PIP4K2A: variants seen among roughly 807,000 people sequenced by gnomAD.
PIP4K2A encodes the protein phosphatidylinositol-5-phosphate 4-kinase type 2 alpha.
PIP4K2A carries 14 observed loss-of-function variants against 42.9 expected under a neutral mutation model. The observed-to-expected ratio is 0.33, with a 90% CI of 0.22 to 0.51. PIP4K2A has a LOEUF of 0.51. PIP4K2A is among the 20% of genes least tolerant of loss of function. The pLI, the probability that PIP4K2A is intolerant of heterozygous loss-of-function variation, is 0.97. For synonymous variants in PIP4K2A, 192 were observed against 192.2 expected (o/e 1.00, Z 0.01); for missense variants, 434 against 519.8 (o/e 0.83, Z 1.61).
At chr10:22,653,125 C>T (rs896116857) in intron 1 of PIP4K2A, among the ~76,000 whole-genome samples, 10 of 152,042 alleles carry the variant, frequency 6.6e-5, no homozygotes, top group African/African-American at 2.2e-4. Flanking sequence ...GGACCACCCC[C>T]GGGGGTATGA....
chr10:22,616,683 A>G (rs947950220), intron 1 of PIP4K2A, among the ~76,000 whole-genome samples: 6 of 151,174 alleles, frequency 4.0e-5, no homozygotes, highest in African/African-American at 1.5e-4. Context: ...AACTTCTAAA[A>G]GATTCCTTAT....
intron 1 of PIP4K2A, among the ~76,000 whole-genome samples, chr10:22,634,082 C>T (rs1838610744): frequency 6.6e-6 from 1 of 152,192 alleles, no homozygotes; most frequent in African/African-American, 2.4e-5. Context: ...GACTTAGAGT[C>T]ACTATGAACA....
chr10:22,565,853 CCTGT>C (rs1170349550), intron 6 of PIP4K2A, among the ~76,000 whole-genome samples: 1 of 151,966 alleles, frequency 6.6e-6, no homozygotes, highest in East Asian at 1.9e-4. Flanking sequence ...CCCAGGTGTG[CCTGT>C]CTCTTATGGT....
intron 1 of PIP4K2A, among the ~76,000 whole-genome samples, chr10:22,700,494 A>C (rs1224033414): frequency 1.3e-5 from 2 of 152,202 alleles, no homozygotes; most frequent in Non-Finnish European, 2.9e-5. Flanking sequence ...GCATGACCCG[A>C]GAAAAGCAAG....
chr10:22,650,408 A>G (rs1838970192), intron 1 of PIP4K2A, among the ~76,000 whole-genome samples: 1 of 152,134 alleles, frequency 6.6e-6, no homozygotes, highest in Non-Finnish European at 1.5e-5. Flanking sequence ...GGGGCATGAC[A>G]CTACACCCAG....
At chr10:22,595,159 G>A (rs1267418543) in intron 3 of PIP4K2A, among the ~76,000 whole-genome samples, 1 of 152,124 alleles carries the variant, frequency 6.6e-6, no homozygotes, top group Non-Finnish European at 1.5e-5. Flanking sequence ...TGATTCTAAG[G>A]CCTGGAAAAA....
At chr10:22,563,245 C>T (rs1391784012) in intron 6 of PIP4K2A, among the ~76,000 whole-genome samples, 1 of 152,166 alleles carries the variant, frequency 6.6e-6, no homozygotes, top group Non-Finnish European at 1.5e-5. Context: ...TTATTAGAAA[C>T]CTCAACCACA....
chr10:22,589,053 G>A (rs373381857), intron 4 of PIP4K2A, among the ~76,000 whole-genome samples: 15 of 152,254 alleles, frequency 9.9e-5, no homozygotes, highest in African/African-American at 3.1e-4. Context: ...ATTTCAAATC[G>A]TGATTTTTGT....
chr10:22,622,545 G>A (rs144079907), intron 1 of PIP4K2A, among the ~76,000 whole-genome samples: 1 of 152,352 alleles, frequency 6.6e-6, no homozygotes, highest in Non-Finnish European at 1.5e-5. Context: ...TCCCCGAGGG[G>A]ACACTGGAGG....
intron 1 of PIP4K2A, among the ~76,000 whole-genome samples, chr10:22,657,159 A>G (rs1368978272): frequency 6.6e-6 from 1 of 152,222 alleles, no homozygotes; most frequent in African/African-American, 2.4e-5. Flanking sequence ...CTTACTTTGT[A>G]GCACTCAGGC....
chr10:22,683,879 CAA>C, intron 1 of PIP4K2A, among the ~76,000 whole-genome samples: 2 of 146,072 alleles, frequency 1.4e-5, no homozygotes, highest in Admixed American at 1.4e-4. Flanking sequence ...ACACACAATT[CAA>C]AGTGTGTCAG....
chr10:22,550,881 C>A, intron 6 of PIP4K2A, 109 bp from the exon 7 acceptor site: 2 of 705,088 alleles, frequency 2.8e-6, no homozygotes, highest in Admixed American at 2.3e-5. Flanking sequence ...ACCGCCCCCA[C>A]CCCGTTCACC....
rs1180853002 is a variant in PIP4K2A, at chr10:22,535,110, T to G, written c.*2091A>C. ...GAAATAAATGACAGACTGTTTGTTA[T>G]AGACAAAAATAAAAGCATTCTGTAA... is the stretch of plus-strand genomic sequence containing the variant. On this transcript the variant is annotated 3_prime_UTR_variant, in exon 10 of 10. Coordinates refer to ENST00000376573, the MANE Select transcript of PIP4K2A (RefSeq NM_005028.5). 6.6e-6 allele frequency: 1 copy of G among 152,236 alleles called. No individual in the cohort carries two copies. Among genetic ancestry groups the G allele is most frequent in the Non-Finnish European group, 1.5e-5 (1 of 68,046 alleles). The allele number at this position is 152,236 out of a possible 1,614,324, so 9.4% of individuals were successfully genotyped here. A position where few individuals can be genotyped will look rare whatever the true frequency, so the allele number is the denominator to read the frequency against.
rs1835885775 is a variant in PIP4K2A, at chr10:22,535,063, C to G, written c.*2138G>C. The G allele has an allele frequency of 6.6e-6, 1 of 152,216 alleles. No individual in the cohort carries two copies. Among genetic ancestry groups the G allele is most frequent in the South Asian group, 2.1e-4 (1 of 4,826 alleles). The allele number at this position is 152,216 out of a possible 1,614,324, so 9.4% of individuals were successfully genotyped here. On this transcript the variant is annotated 3_prime_UTR_variant, in exon 10 of 10. Coordinates refer to ENST00000376573, the MANE Select transcript of PIP4K2A (RefSeq NM_005028.5). ...AGATAACAGGGCAAACGTCCTCACT[C>G]TGTCCAAATGGTTTATCAACAGAAA...
At chr10:22,582,949 T>G (rs1171311834) in intron 4 of PIP4K2A, among the ~76,000 whole-genome samples, 1 of 133,230 alleles carries the variant, frequency 7.5e-6, no homozygotes, top group Non-Finnish European at 1.6e-5. Context: ...ATAACAAATA[T>G]AACAAAACAA....
intron 6 of PIP4K2A, 132 bp downstream of exon 6, chr10:22,567,719 T>C (rs1836879491): frequency 1.2e-6 from 1 of 812,260 alleles, no homozygotes; most frequent in Admixed American, 1.7e-5. Context: ...TGTTTCTCGC[T>C]GGTGGCAGCA....
intron 1 of PIP4K2A, among the ~76,000 whole-genome samples, chr10:22,693,170 A>G (rs1161621670): frequency 2.0e-5 from 3 of 152,238 alleles, no homozygotes; most frequent in Non-Finnish European, 4.4e-5. Context: ...AGATTTGTCA[A>G]GGTTGCTAAG....
At chr10:22,677,859 TA>T (rs920870543) in intron 1 of PIP4K2A, among the ~76,000 whole-genome samples, 5 of 152,144 alleles carry the variant, frequency 3.3e-5, no homozygotes, top group African/African-American at 9.7e-5. Flanking sequence ...AGCTGAAGTT[TA>T]AATGAAAGTA....
rs150254345 is a variant in PIP4K2A at position 22,705,426 on chromosome 10, T to TAAAAAA, written c.144+8751_144+8756dup. Among the ~76,000 whole-genome samples the TAAAAAA allele has an allele frequency of 1.3e-3, 37 of 29,274 alleles. 6 individuals carry two copies. Among genetic ancestry groups the TAAAAAA allele is most frequent in the Non-Finnish European group, 1.8e-3 (31 of 17,674 alleles). 19.2% of individuals were successfully genotyped at this position (29,274 alleles called of 152,430 possible). ...TACGTATTATATTCAGTACCCCAGTTAAAAAAAAAAAAAAAAAAAAAAAAA... is the reference window on the plus strand; with the variant it reads ...TACGTATTATATTCAGTACCCCAGTTAAAAAAAAAAAAAAAAAAAAAAAAAAAAAAA... On this transcript the variant is annotated intron_variant, in intron 1 of 9. Transcript: ENST00000376573.
Sources: gnomAD v4.1 joint callset for allele counts (sites outside exome capture counted in the v4.1 genomes callset) on GRCh38, gnomAD v4.1.1 for gene constraint, MANE v1.5 for transcripts, NCBI Gene and HGNC (gene_info 2026-07-23, HGNC 2026-07-21) for gene names.